Variants in ART3 observed in about 807,000 individuals in gnomAD.
ART3 encodes ecto-ADP-ribosyltransferase 3.
A neutral mutation model predicts 48.5 loss-of-function variants in ART3; 49 were observed. The ratio of observed to expected loss-of-function variants is 1.01; its 90% CI spans 0.80 to 1.28. The LOEUF is 1.28. ART3 is among the 50% of genes most tolerant of loss of function. The pLI, the probability that ART3 is intolerant of heterozygous loss-of-function variation, is 0.00. For missense variants in ART3, 438 were observed against 454.3 expected (o/e 0.96, Z 0.33); for synonymous variants, 145 against 157.2 (o/e 0.92, Z 0.58).
At chr4:76,096,964 C>T (rs752503360) in intron 3 of ART3, among the ~76,000 whole-genome samples, 2 of 152,088 alleles carry the variant, frequency 1.3e-5, no homozygotes, top group South Asian at 2.1e-4. Context: ...CTGTTGAGGA[C>T]GTTTAGTATC....
At chr4:76,022,967 T>C (rs1034228137) in intron 1 of ART3, 1 of 766,642 alleles carries the variant, frequency 1.3e-6, no homozygotes, top group African/African-American at 1.8e-5. Context: ...ATAACACAAC[T>C]GTAAATGATT....
intron 11 of ART3, 116 bp from the exon 12 acceptor site, chr4:76,112,270 G>GT: frequency 7.8e-7 from 1 of 1,280,766 alleles, no homozygotes; most frequent in Admixed American, 2.7e-5. Context: ...AGTATTTCAG[G>GT]TAAGTTTCTA....
At chr4:76,043,150 T>C (rs6532124) in intron 1 of ART3, among the ~76,000 whole-genome samples, 93,419 of 151,494 alleles carry the variant, frequency 0.62, 30,138 homozygotes, top group East Asian at 0.94. Context: ...TACAGAGGGC[T>C]GATTGGTGTA....
intron 1 of ART3, among the ~76,000 whole-genome samples, chr4:76,043,328 G>A (rs1465343179): frequency 3.3e-5 from 5 of 151,990 alleles, no homozygotes; most frequent in Non-Finnish European, 1.5e-5. Flanking sequence ...AATGGGACTG[G>A]GCACCGTGGA....
chr4:76,089,599 A>G (rs1049938806), intron 3 of ART3, among the ~76,000 whole-genome samples: 1 of 152,136 alleles, frequency 6.6e-6, no homozygotes, highest in African/African-American at 2.4e-5. Flanking sequence ...AGCCAATCAA[A>G]ACTCCTTTCT....
intron 1 of ART3, among the ~76,000 whole-genome samples, chr4:76,065,571 A>C (rs1326503331): frequency 6.6e-6 from 1 of 151,812 alleles, no homozygotes; most frequent in Non-Finnish European, 1.5e-5. Context: ...ACACACACAC[A>C]CACACACTCG....
At chr4:76,023,388 G>A (rs1230510643) in intron 1 of ART3, 16 of 1,613,570 alleles carry the variant, frequency 9.9e-6, no homozygotes, top group Non-Finnish European at 1.3e-5. Context: ...GCCACTTAGA[G>A]TCAGAAAGAT....
intron 1 of ART3, chr4:76,022,534 C>G: frequency 6.6e-7 from 1 of 1,506,084 alleles, no homozygotes; most frequent in Non-Finnish European, 9.2e-7. Flanking sequence ...GTTCTGAAGT[C>G]AGACATTTAA....
chr4:76,103,348 C>A (rs1321257476), intron 8 of ART3, among the ~76,000 whole-genome samples: 1 of 151,692 alleles, frequency 6.6e-6, no homozygotes, highest in Non-Finnish European at 1.5e-5. Context: ...AGCGACTCAG[C>A]GAGACCCTGT....
intron 3 of ART3, among the ~76,000 whole-genome samples, chr4:76,084,792 C>T (rs1277487522): frequency 6.6e-6 from 1 of 152,172 alleles, no homozygotes; most frequent in Non-Finnish European, 1.5e-5. Flanking sequence ...TGCATCTGAG[C>T]TGGGAGGATT....
intron 3 of ART3, among the ~76,000 whole-genome samples, chr4:76,086,369 C>G (rs185835408): frequency 1.3e-5 from 2 of 151,958 alleles, no homozygotes; most frequent in African/African-American, 4.8e-5. Context: ...GTGAAATAAG[C>G]CAGACACAGA....
intron 1 of ART3, among the ~76,000 whole-genome samples, chr4:76,029,990 T>A (rs1733727549): frequency 2.6e-5 from 4 of 152,214 alleles, no homozygotes; most frequent in African/African-American, 7.2e-5. Context: ...CCTTTTTTCC[T>A]TGTCTCTTCT....
upstream of ART3, among the ~76,000 whole-genome samples, chr4:76,074,172 G>A (rs528285864): frequency 6.6e-6 from 1 of 152,202 alleles, no homozygotes; most frequent in Admixed American, 6.5e-5. Context: ...CCTCCTTAAT[G>A]TTATCACTGG....
intron 10 of ART3, chr4:76,106,115 A>C (rs1229097121): frequency 4.1e-6 from 4 of 985,230 alleles, no homozygotes; most frequent in Non-Finnish European, 3.6e-6. Flanking sequence ...AGAGATGAGA[A>C]CATGGAACAT....
At chr4:76,093,241 G>A (rs1187036938) in intron 3 of ART3, among the ~76,000 whole-genome samples, 2 of 152,134 alleles carry the variant, frequency 1.3e-5, no homozygotes, top group Non-Finnish European at 2.9e-5. Flanking sequence ...GGGCAACATA[G>A]CGAGACCCTG....
chr4:76,053,710 G>A (rs915956019), intron 1 of ART3, among the ~76,000 whole-genome samples: 2 of 152,200 alleles, frequency 1.3e-5, no homozygotes, highest in Non-Finnish European at 2.9e-5. Context: ...GAACACAGAA[G>A]TAGAAATGAT....
intron 1 of ART3, among the ~76,000 whole-genome samples, chr4:76,029,683 G>A (rs1015437031): frequency 5.6e-5 from 6 of 107,582 alleles, no homozygotes; most frequent in Non-Finnish European, 9.1e-5. Flanking sequence ...TAGATACAAA[G>A]AGGTATATTA....
At chr4:76,062,210 T>C (rs1459345011) in intron 1 of ART3, among the ~76,000 whole-genome samples, 1 of 152,230 alleles carries the variant, frequency 6.6e-6, no homozygotes, top group Admixed American at 6.5e-5. Context: ...CTTCCTATTT[T>C]TTAAAAGCTA....
At chr4:76,082,569 G>A in intron 3 of ART3, 34 bp downstream of exon 3, 2 of 1,493,764 alleles carry the variant, frequency 1.3e-6, no homozygotes, top group South Asian at 1.3e-5. Context: ...TTGGCTGGGA[G>A]GGAAGGAGTG....
Sources: allele counts gnomAD v4.1 joint callset (sites outside exome capture counted in the v4.1 genomes callset), GRCh38; gene constraint gnomAD v4.1.1; transcripts MANE v1.5; gene names NCBI Gene and HGNC (gene_info 2026-07-23, HGNC 2026-07-21).